AFF2: variants seen among roughly 807,000 people sequenced by gnomAD.
The protein encoded by AFF2 is AF4/FMR2 family member 2.
A neutral mutation model predicts 76.9 loss-of-function variants in AFF2; 14 were observed. The observed-to-expected ratio is 0.18, with a 90% confidence interval of 0.12 to 0.28. The LOEUF is 0.28. Among genes scored for constraint, AFF2 ranks in the 10% least tolerant of loss-of-function variants. AFF2 has a pLI of 1.00. For synonymous variants in AFF2, 398 were observed against 366.7 expected (o/e 1.09, Z -0.98); for missense variants, 868 against 1,001.1 (o/e 0.87, Z 1.79).
At chrX:148,943,454 A>G (rs2071864276) in intron 9 of AFF2, among the ~76,000 whole-genome samples, 1 of 111,677 alleles carries the variant, frequency 9.0e-6, no homozygotes, top group Admixed American at 9.5e-5. Flanking sequence ...TAGAAAGATG[A>G]GTTTTGTAGT....
intron 13 of AFF2, among the ~76,000 whole-genome samples, chrX:148,963,914 G>A (rs782235277): frequency 1.1e-4 from 12 of 111,590 alleles, no homozygotes; most frequent in Non-Finnish European, 1.7e-4. Flanking sequence ...TATTTTCTTC[G>A]TATCCATCAT....
chrX:148,708,883 C>T (rs983749971), intron 3 of AFF2, among the ~76,000 whole-genome samples: 3 of 111,569 alleles, frequency 2.7e-5, no homozygotes, highest in East Asian at 2.8e-4. Context: ...TATATTTTAC[C>T]GTTTTTCTGT....
At chrX:148,712,378 G>T (rs1339549217) in intron 3 of AFF2, among the ~76,000 whole-genome samples, 2 of 111,477 alleles carry the variant, frequency 1.8e-5, no homozygotes, top group Admixed American at 1.9e-4. Context: ...AAGTTGTAAA[G>T]TAGAATTTCA....
At chrX:148,865,610 C>T (rs1452900953) in intron 7 of AFF2, among the ~76,000 whole-genome samples, 6 of 111,889 alleles carry the variant, frequency 5.4e-5, no homozygotes, top group Non-Finnish European at 1.1e-4. Context: ...GCCTTTACCC[C>T]ACCAGGATTT....
At chrX:148,684,242 A>G (rs1284168570) in intron 3 of AFF2, among the ~76,000 whole-genome samples, 1 of 112,299 alleles carries the variant, frequency 8.9e-6, no homozygotes, top group Non-Finnish European at 1.9e-5. Flanking sequence ...ATTGTCATAA[A>G]CTAATTAATG....
intron 13 of AFF2, among the ~76,000 whole-genome samples, chrX:148,966,201 G>A (rs1386628508): frequency 2.7e-5 from 3 of 111,688 alleles, no homozygotes; most frequent in South Asian, 3.8e-4. Context: ...CCAATCAAGC[G>A]CCTCACATGA....
chrX:148,914,091 A>G (rs2071500562), intron 9 of AFF2, among the ~76,000 whole-genome samples: 1 of 111,895 alleles, frequency 8.9e-6, no homozygotes, highest in Non-Finnish European at 1.9e-5. Context: ...TGATTGAAGC[A>G]TGTGTAGCAT....
intron 3 of AFF2, among the ~76,000 whole-genome samples, chrX:148,805,024 A>T (rs1195489341): frequency 8.9e-6 from 1 of 112,011 alleles, no homozygotes; most frequent in Non-Finnish European, 1.9e-5. Context: ...GGGAATTACA[A>T]ATTTTAAAAA....
At chrX:148,799,657 C>A (rs1398834344) in intron 3 of AFF2, among the ~76,000 whole-genome samples, 1 of 112,152 alleles carries the variant, frequency 8.9e-6, no homozygotes, top group Non-Finnish European at 1.9e-5. Flanking sequence ...CATGCCATGA[C>A]AGTTAATAGT....
chrX:148,950,156 G>A (rs997008017), intron 9 of AFF2, among the ~76,000 whole-genome samples: 17 of 112,401 alleles, frequency 1.5e-4, no homozygotes, highest in African/African-American at 3.9e-4. Flanking sequence ...TTCAGACATT[G>A]ATGTTTGTCC....
chrX:148,674,007 C>T (rs1342408735), intron 3 of AFF2, among the ~76,000 whole-genome samples: 1 of 111,875 alleles, frequency 8.9e-6, no homozygotes, highest in Admixed American at 9.5e-5. Flanking sequence ...GCTAGGTGGG[C>T]AAACCTTTTC....
At chrX:148,703,101 T>C (rs1260816302) in intron 3 of AFF2, among the ~76,000 whole-genome samples, 1 of 111,749 alleles carries the variant, frequency 8.9e-6, no homozygotes, top group East Asian at 2.8e-4. Flanking sequence ...CAAAAGTACA[T>C]ATAAAAGTAT....
chrX:148,878,368 A>C (rs2071058507), intron 7 of AFF2, among the ~76,000 whole-genome samples: 1 of 111,684 alleles, frequency 9.0e-6, no homozygotes. Flanking sequence ...GGTCTCCACT[A>C]TTTTTACTGT....
chrX:148,847,133 G>T (rs782111199), intron 7 of AFF2, among the ~76,000 whole-genome samples: 4 of 112,056 alleles, frequency 3.6e-5, no homozygotes, highest in Non-Finnish European at 7.5e-5. Flanking sequence ...GATTTTCTTT[G>T]TTCAGTTGGA....
At chrX:148,902,926 A>T (rs1253690786) in intron 8 of AFF2, among the ~76,000 whole-genome samples, 1 of 111,414 alleles carries the variant, frequency 9.0e-6, no homozygotes, top group Non-Finnish European at 1.9e-5. Flanking sequence ...CAGCACTAAC[A>T]TCTAAAATTT....
chrX:148,762,478 A>ACATG (rs1557267394), intron 3 of AFF2, among the ~76,000 whole-genome samples: 3 of 25,842 alleles, frequency 1.2e-4, no homozygotes, highest in Non-Finnish European at 2.1e-4. Context: ...GTACATATGT[A>ACATG]TATGTGTGTG....
At chrX:148,609,190 T>A (rs1361162865) in intron 1 of AFF2, among the ~76,000 whole-genome samples, 1 of 111,640 alleles carries the variant, frequency 9.0e-6, no homozygotes, top group Non-Finnish European at 1.9e-5. Flanking sequence ...GAGAGCTTAA[T>A]CACTTTCATA....
intron 3 of AFF2, among the ~76,000 whole-genome samples, chrX:148,734,365 T>G (rs1192459991): frequency 1.8e-5 from 2 of 111,846 alleles, no homozygotes; most frequent in Middle Eastern, 4.6e-3. Flanking sequence ...ATCTCATGTG[T>G]ACCTCCCAAC....
At chrX:148,719,081 T>G in intron 3 of AFF2, 1 of 1,093,643 alleles carries the variant, frequency 9.1e-7, no homozygotes, top group Non-Finnish European at 1.2e-6. Flanking sequence ...CAGTCTGGGA[T>G]ATTAAGGTGA....
Sources: gnomAD v4.1 joint callset for allele counts (sites outside exome capture counted in the v4.1 genomes callset) on GRCh38, gnomAD v4.1.1 for gene constraint, MANE v1.5 for transcripts, NCBI Gene and HGNC (gene_info 2026-07-23, HGNC 2026-07-21) for gene names.